Variants in PFN2 observed in about 807,000 individuals in gnomAD.
PFN2 encodes profilin-2.
PFN2 carries 8 observed loss-of-function variants against 15.3 expected under a neutral mutation model. The ratio of observed to expected loss-of-function variants is 0.52; its 90% CI spans 0.31 to 0.95. PFN2 has a LOEUF of 0.95. Among genes scored for constraint, PFN2 ranks in the 40% least tolerant of loss-of-function variants. The pLI is 0.05. For missense variants in PFN2, 111 were observed against 182.3 expected, an observed-to-expected ratio of 0.61 and a Z score of 2.25; for synonymous variants, 79 against 67.9, an observed-to-expected ratio of 1.16 and a Z score of -0.81.
At position 149,966,107 on chromosome 3, in the gene PFN2, T is replaced by C. The variant is rs756886869; in HGVS notation, c.*382A>G. 1.4e-5 allele frequency: 22 copies of C among 1,577,102 alleles called. No homozygotes were observed. The highest frequency in any genetic ancestry group is 1.8e-5 in the Non-Finnish European group (21 of 1,164,166). ...AGCTACCATCTACAGTTTGGTAGCA[T>C]TGTGACCATAATTAGGGTTGTTGAT... On this transcript the variant is annotated 3_prime_UTR_variant, in exon 3 of 3. Transcript: ENST00000239940.
At chr3:149,967,125 A>C (rs1050236788) in intron 2 of PFN2, among the ~76,000 whole-genome samples, 1 of 152,236 alleles carries the variant, frequency 6.6e-6, no homozygotes, top group Non-Finnish European at 1.5e-5. Context: ...AAATTATTTA[A>C]GGTGTTTGCT....
chr3:149,969,341 C>A (rs944189399), intron 1 of PFN2, among the ~76,000 whole-genome samples: 1 of 152,162 alleles, frequency 6.6e-6, no homozygotes, highest in African/African-American at 2.4e-5. Context: ...TTCTAACATT[C>A]CATGAATAAG....
At chr3:149,968,054 C>G (rs1722740575) in intron 2 of PFN2, 1 of 266,408 alleles carries the variant, frequency 3.8e-6, no homozygotes, top group Admixed American at 5.1e-5. Flanking sequence ...ATTTAACAAT[C>G]TGAAACACCA....
Position 149,966,222 on chromosome 3 carries a change from G to A in PFN2, c.*267C>T, listed in dbSNP as rs1048167732. 1.9e-6 allele frequency: 3 copies of A among 1,613,698 alleles called. No individual in the cohort carries two copies. The highest frequency in any genetic ancestry group is 2.5e-6 in the Non-Finnish European group (3 of 1,179,712). On this transcript the variant is annotated 3_prime_UTR_variant, in exon 3 of 3. Transcript: ENST00000239940. ...GAGTTCATATGCTTTCTTGTTAAGT[G>A]TGCCTCCGTGGACACCTTCCTTTCC... is the stretch of plus-strand genomic sequence containing the variant.
chr3:149,968,610 T>TTAA (rs1409496432), intron 1 of PFN2, 60 bp from the exon 2 acceptor site: 84 of 1,433,978 alleles, frequency 5.9e-5, no homozygotes, highest in Middle Eastern at 1.8e-4. Context: ...AGTTAACTCC[T>TTAA]TTTAGGGCTT....
Position 149,965,352 on chromosome 3 carries a change from T to C in PFN2, c.*1137A>G. 1 of 1,502,162 alleles carries C rather than the reference T, an allele frequency of 6.7e-7. No individual in the cohort carries two copies. The highest frequency in any genetic ancestry group is 8.8e-7 in the Non-Finnish European group (1 of 1,135,986). 93.1% of individuals were successfully genotyped at this position (1,502,162 alleles called of 1,614,324 possible). Reference sequence around the variant, plus strand: ...CAGATGGTTATGTTGGGATACCTAATGTCCATAATGGCAGCCTTTTACAAT... The same window carrying C: ...CAGATGGTTATGTTGGGATACCTAACGTCCATAATGGCAGCCTTTTACAAT... On this transcript the variant is annotated 3_prime_UTR_variant, in exon 3 of 3. Transcript: ENST00000239940.
intron 1 of PFN2, among the ~76,000 whole-genome samples, chr3:149,970,052 A>G (rs1221215200): frequency 6.6e-6 from 1 of 151,682 alleles, no homozygotes; most frequent in Non-Finnish European, 1.5e-5. Context: ...GAGAATTTAA[A>G]AAAAAAAAAA....
At position 149,966,279 on chromosome 3, in the gene PFN2, G is replaced by C. The variant is rs1553776720; in HGVS notation, c.*210C>G. On this transcript the variant is annotated 3_prime_UTR_variant, in exon 3 of 3. Transcript: ENST00000239940. ...TATAACCAATGCTGGAGTACACAAG[G>C]AAACAAAACAAAAGTGAACAGAATT... The C allele has an allele frequency of 1.2e-6, 2 of 1,610,166 alleles. No individual in the cohort carries two copies. Among genetic ancestry groups the C allele is most frequent in the Non-Finnish European group, 1.7e-6 (2 of 1,178,734 alleles).
intron 1 of PFN2, among the ~76,000 whole-genome samples, chr3:149,969,672 A>G (rs1722792221): frequency 6.6e-6 from 1 of 152,246 alleles, no homozygotes; most frequent in Admixed American, 6.5e-5. Flanking sequence ...GCGTGGTGCT[A>G]AGAAATAAAG....
Position 149,966,426 on chromosome 3 carries a change from A to C in PFN2, c.*63T>G, listed in dbSNP as rs1470347592. 7.5e-6 allele frequency: 12 copies of C among 1,602,372 alleles called. No individual in the cohort carries two copies. Among genetic ancestry groups the C allele is most frequent in the African/African-American group, 1.3e-5 (1 of 74,086 alleles). The stretch of plus-strand genomic sequence containing the variant: ...AATAAAATTTCCAGAATTAAGACTT[A>C]AGCTTATAGCTAGGAAAGTTTAAGA... On this transcript the variant is annotated 3_prime_UTR_variant, in exon 3 of 3. Coordinates refer to ENST00000239940, the MANE Select transcript of PFN2 (RefSeq NM_053024.4).
rs35287754 is a variant in PFN2 at position 149,965,709 on chromosome 3, A to AGG, written c.*778_*779dup. 2.2e-3 allele frequency: 2,063 copies of AGG among 930,108 alleles called. 17 individuals are homozygous for AGG. In the African/African-American group the frequency reaches 0.023, roughly 10 times the overall value. The allele number at this position is 930,108 out of a possible 1,614,324, so 57.6% of individuals were successfully genotyped here. On this transcript the variant is annotated 3_prime_UTR_variant, in exon 3 of 3. Coordinates refer to ENST00000239940, the MANE Select transcript of PFN2 (RefSeq NM_053024.4). Reference sequence around the variant, plus strand: ...AAACCAAATGCCTATGTGCGAAGGGAGGGGGGGCGGGAAAAAGAGAAGAGT... The same window carrying AGG: ...AAACCAAATGCCTATGTGCGAAGGGAGGGGGGGGGCGGGAAAAAGAGAAGAGT...
chr3:149,966,196 C>T lies in PFN2; in HGVS notation c.*293G>A, dbSNP rs776388775. ...ACATCAGACCTCCTCAGGTATAAAG[C>T]GAGTTCATATGCTTTCTTGTTAAGT... On this transcript the variant is annotated 3_prime_UTR_variant, in exon 3 of 3. Transcript: ENST00000239940. 1.6e-5 allele frequency: 26 copies of T among 1,613,630 alleles called. No homozygotes were observed. The highest frequency in any genetic ancestry group is 2.1e-5 in the Non-Finnish European group (25 of 1,179,666).
intron 1 of PFN2, 99 bp from the exon 2 acceptor site, chr3:149,968,649 T>C: frequency 1.1e-6 from 1 of 952,006 alleles, no homozygotes; most frequent in Admixed American, 2.3e-5. Context: ...GTAGCTAGGC[T>C]TATGCTACCA....
At position 149,966,575 on chromosome 3, in the gene PFN2, C is replaced by G; in HGVS notation, c.337G>C (p.Val113Leu). 1 of 1,610,682 alleles carries G rather than the reference C, an allele frequency of 6.2e-7. No homozygotes were observed. The highest frequency in any genetic ancestry group is 2.2e-5 in the East Asian group (1 of 44,836). ...CCATGGACCCCTTCTTTTCCCATTA[C>G]AAAGACCAAGACTGAAAGAGAAAGA... ...VGRAGRVLVF[V>L]MGKEGVHGGG... Residue 113 changes from valine to leucine, a missense_variant, in exon 3 of 3, where the codon GTA (valine) becomes CTA (leucine). Transcript: ENST00000239940.
chr3:149,965,275 A>G lies in PFN2; in HGVS notation c.*1214T>C. ...CACAATAATGCAACTTCATATAAAA[A>G]CTCAAGCTGCAAATAAAAATTGGTC... On this transcript the variant is annotated 3_prime_UTR_variant, in exon 3 of 3. Coordinates refer to ENST00000239940, the MANE Select transcript of PFN2 (RefSeq NM_053024.4). 6.5e-7 allele frequency: 1 copy of G among 1,535,260 alleles called. No homozygotes were observed. Among genetic ancestry groups the G allele is most frequent in the Non-Finnish European group, 8.7e-7 (1 of 1,146,414 alleles).
Position 149,966,061 on chromosome 3 carries a change from G to GA in PFN2, c.*427dup. ...TGGGCAAACAGGAATCATGACATTAGAAAATAGGTAAAGAAAAATTAGCTA... is the reference window on the plus strand; with the variant it reads ...TGGGCAAACAGGAATCATGACATTAGAAAAATAGGTAAAGAAAAATTAGCTA... On this transcript the variant is annotated 3_prime_UTR_variant, in exon 3 of 3. Transcript: ENST00000239940. 2.0e-6 allele frequency: 3 copies of GA among 1,523,474 alleles called. No homozygotes were observed. The South Asian group carries it at 4.0e-5, about 20-fold the overall frequency. The allele number at this position is 1,523,474 out of a possible 1,614,324, so 94.4% of individuals were successfully genotyped here. A position where few individuals can be genotyped will look rare whatever the true frequency, so the allele number is the denominator to read the frequency against.
At position 149,965,455 on chromosome 3, in the gene PFN2, G is replaced by A. The variant is rs892761032; in HGVS notation, c.*1034C>T. 8.2e-5 allele frequency: 118 copies of A among 1,438,272 alleles called. No individual in the cohort carries two copies. The East Asian group carries it at 2.8e-3, about 34-fold the overall frequency. The allele number at this position is 1,438,272 out of a possible 1,614,324, so 89.1% of individuals were successfully genotyped here. A position where few individuals can be genotyped will look rare whatever the true frequency, so the allele number is the denominator to read the frequency against. ...TATTGCAATGATGGAATGTCCCTGG[G>A]GATTCAATCAGTATGGTTACTGTAA... On this transcript the variant is annotated 3_prime_UTR_variant, in exon 3 of 3. Transcript: ENST00000239940.
In PFN2 at chr3:149,966,573, T is replaced by C; in HGVS notation, c.339A>G (p.Val113=). 3 of 1,610,938 alleles carry C rather than the reference T, an allele frequency of 1.9e-6. No individual in the cohort carries two copies. Among genetic ancestry groups the C allele is most frequent in the Non-Finnish European group, 2.5e-6 (3 of 1,177,242 alleles). The part of the protein sequence containing the change: ...VGRAGRVLVF[V]MGKEGVHGGG... Reference sequence around the variant, plus strand: ...CTCCATGGACCCCTTCTTTTCCCATTACAAAGACCAAGACTGAAAGAGAAA... The same window carrying C: ...CTCCATGGACCCCTTCTTTTCCCATCACAAAGACCAAGACTGAAAGAGAAA... Residue 113 remains valine, a synonymous_variant, in exon 3 of 3, where the codon GTA becomes GTG. Transcript: ENST00000239940.
Position 149,965,509 on chromosome 3 carries a change from T to C in PFN2, c.*980A>G. ...CATGGGAGGAAGTGCTTTTTGCTCT[T>C]GTTTTGCCATTGCACTCTTCATATG... On this transcript the variant is annotated 3_prime_UTR_variant, in exon 3 of 3. Coordinates refer to ENST00000239940, the MANE Select transcript of PFN2 (RefSeq NM_053024.4). The C allele has an allele frequency of 1.4e-6, 2 of 1,406,154 alleles. No individual in the cohort carries two copies. The highest frequency in any genetic ancestry group is 1.8e-6 in the Non-Finnish European group (2 of 1,086,988). The allele number at this position is 1,406,154 out of a possible 1,614,324, so 87.1% of individuals were successfully genotyped here.
Sources: allele counts gnomAD v4.1 joint callset (sites outside exome capture counted in the v4.1 genomes callset), GRCh38; gene constraint gnomAD v4.1.1; transcripts MANE v1.5; gene names NCBI Gene and HGNC (gene_info 2026-07-23, HGNC 2026-07-21).